PSD3: variants seen among roughly 807,000 people sequenced by gnomAD.
The protein encoded by PSD3 is PH and SEC7 domain-containing protein 3.
PSD3 carries 49 observed loss-of-function variants against 105.5 expected under a neutral mutation model. The observed-to-expected ratio is 0.46, with a 90% CI of 0.37 to 0.59. The LOEUF (loss-of-function observed/expected upper bound fraction) is 0.59, where lower values mean the gene tolerates loss of function less well. Ranked by LOEUF, PSD3 falls within the 20% of genes least tolerant of loss-of-function variation. PSD3 has a pLI of 0.00. For synonymous variants in PSD3, 557 were observed against 457.8 expected, an observed-to-expected ratio of 1.22 and a Z score of -2.77; for missense variants, 1,561 against 1,263.8, an observed-to-expected ratio of 1.24 and a Z score of -3.57.
At chr8:18,918,929 T>G (rs1056024062) in intron 2 of PSD3, among the ~76,000 whole-genome samples, 2 of 152,286 alleles carry the variant, frequency 1.3e-5, no homozygotes, top group Admixed American at 1.3e-4. Flanking sequence ...GCAATATTTT[T>G]AATAATCCTC....
intron 2 of PSD3, among the ~76,000 whole-genome samples, chr8:18,901,045 T>C (rs1238302993): frequency 1.3e-5 from 2 of 152,220 alleles, no homozygotes; most frequent in Non-Finnish European, 2.9e-5. Flanking sequence ...ATGTACAGTC[T>C]GGTGTATATA....
At chr8:18,740,934 C>T (rs1178812913) in intron 9 of PSD3, among the ~76,000 whole-genome samples, 2 of 152,166 alleles carry the variant, frequency 1.3e-5, no homozygotes, top group Non-Finnish European at 2.9e-5. Flanking sequence ...GTGGATTAAC[C>T]TGGGTGCCTC....
intron 4 of PSD3, among the ~76,000 whole-genome samples, chr8:18,841,990 T>G (rs1182525522): frequency 6.6e-6 from 1 of 152,100 alleles, no homozygotes. Flanking sequence ...TGCCCACGTG[T>G]CACAGGAGCA....
At chr8:18,675,819 A>C (rs951742282) in intron 9 of PSD3, among the ~76,000 whole-genome samples, 2 of 152,230 alleles carry the variant, frequency 1.3e-5, no homozygotes, top group Non-Finnish European at 2.9e-5. Context: ...ATTAACAAGC[A>C]GGAAGCCATC....
At position 19,019,884 on chromosome 8, in the gene PSD3, G is replaced by A. The variant is rs555384841; in HGVS notation, c.324+64322C>T. 5.9e-5 allele frequency among the ~76,000 whole-genome samples: 9 copies of A among 152,198 alleles called. No individual in the cohort carries two copies. In the East Asian group the frequency reaches 7.8e-4, roughly 13 times the overall value. ...AATGTGGTTCATGTCCTTAGGGGTCGGAAGAGAATGGAGAAAAGAGGAAAA... is the reference window on the plus strand; with the variant it reads ...AATGTGGTTCATGTCCTTAGGGGTCAGAAGAGAATGGAGAAAAGAGGAAAA... On this transcript the variant is annotated intron_variant, in intron 1 of 1. Transcript: ENST00000521475.
At chr8:18,769,882 T>C (rs184275802) in intron 8 of PSD3, among the ~76,000 whole-genome samples, 5 of 152,352 alleles carry the variant, frequency 3.3e-5, no homozygotes, top group South Asian at 4.1e-4. Flanking sequence ...CATTTATAAA[T>C]TGATGAATGT....
At chr8:18,871,477 A>C (rs1817344134) in intron 3 of PSD3, 149 bp downstream of exon 3, 2 of 1,007,818 alleles carry the variant, frequency 2.0e-6, no homozygotes, top group South Asian at 3.8e-5. Context: ...CTTAGCTTAG[A>C]AGGACCTAGC....
At chr8:18,697,796 T>C (rs150152226) in intron 9 of PSD3, among the ~76,000 whole-genome samples, 11 of 152,284 alleles carry the variant, frequency 7.2e-5, no homozygotes, top group African/African-American at 2.2e-4. Context: ...CCTTCTGGCA[T>C]CAACATTTCG....
chr8:18,742,558 T>C (rs1804658755), intron 9 of PSD3, among the ~76,000 whole-genome samples: 1 of 152,228 alleles, frequency 6.6e-6, no homozygotes, highest in South Asian at 2.1e-4. Context: ...GTGTATATAA[T>C]CATAGATAGC....
intron 1 of PSD3, among the ~76,000 whole-genome samples, chr8:19,051,495 C>A (rs566676928): frequency 6.6e-6 from 1 of 152,316 alleles, no homozygotes; most frequent in Non-Finnish European, 1.5e-5. Flanking sequence ...ACTAGGCACT[C>A]AATAAATATT....
At chr8:18,576,948 C>A (rs769614251) in intron 12 of PSD3, among the ~76,000 whole-genome samples, 1 of 151,112 alleles carries the variant, frequency 6.6e-6, no homozygotes, top group Non-Finnish European at 1.5e-5. Context: ...TTCCTCTTCC[C>A]TATTTTCTTT....
chr8:18,577,410 A>T (rs1168567182), intron 12 of PSD3, among the ~76,000 whole-genome samples: 1 of 151,840 alleles, frequency 6.6e-6, no homozygotes, highest in Non-Finnish European at 1.5e-5. Flanking sequence ...AAGTTTATTG[A>T]CTCGGTTCCT....
intron 7 of PSD3, among the ~76,000 whole-genome samples, chr8:18,799,917 C>T (rs11993401): frequency 0.37 from 55,594 of 151,986 alleles, 11,327 homozygotes; most frequent in Non-Finnish European, 0.46. Context: ...TTTCAATTTA[C>T]GCTAAATTAG....
intron 9 of PSD3, among the ~76,000 whole-genome samples, chr8:18,735,417 A>T (rs1293319176): frequency 6.6e-6 from 1 of 152,174 alleles, no homozygotes; most frequent in Non-Finnish European, 1.5e-5. Context: ...TGGCGAATGG[A>T]CGATAAACGT....
At chr8:18,551,743 T>C (rs1280476430) in intron 15 of PSD3, among the ~76,000 whole-genome samples, 1 of 152,208 alleles carries the variant, frequency 6.6e-6, no homozygotes, top group Non-Finnish European at 1.5e-5. Context: ...GTTTCAGTCA[T>C]GAGGGAAGTG....
In PSD3 at chr8:18,958,979, G is replaced by A. The variant is rs780953024; in HGVS notation, c.22-22837C>T. Among the ~76,000 whole-genome samples, 42 of 150,906 alleles carry A rather than the reference G, an allele frequency of 2.8e-4. 1 individual carries two copies. The highest frequency in any genetic ancestry group is 5.0e-4 in the Non-Finnish European group (34 of 67,836). The stretch of plus-strand genomic sequence containing the variant: ...TCTGTTGCCCAGGGTGGAGTGCAAC[G>A]GTGTGATCTTGGCTCACTGCAACCT... On this transcript the variant is annotated intron_variant, in intron 1 of 15. Transcript: ENST00000327040.
Position 18,534,096 on chromosome 8 carries a change from T to C in PSD3, c.*1647A>G, listed in dbSNP as rs1799736652. The C allele has an allele frequency of 2.0e-5, 3 of 152,202 alleles. No homozygotes were observed. The highest frequency in any genetic ancestry group is 2.0e-4 in the Admixed American group (3 of 15,270). The allele number at this position is 152,202 out of a possible 1,614,324, so 9.4% of individuals were successfully genotyped here. On this transcript the variant is annotated 3_prime_UTR_variant, in exon 16 of 16. Transcript: ENST00000327040. ...TAGTACATCATAATAACATACCACT[T>C]AGACACTACCATGGCTTTACAGCAG...
chr8:18,962,983 A>G lies in PSD3; in HGVS notation c.22-26841T>C, dbSNP rs1824014890. On this transcript the variant is annotated intron_variant, in intron 1 of 15. Coordinates refer to ENST00000327040, the MANE Select transcript of PSD3 (RefSeq NM_015310.4). ...CCGTTTTCACGCTGCTGATAAAGACATACCTGAGACTGGGGATAAAAAGAG... is the reference window on the plus strand; with the variant it reads ...CCGTTTTCACGCTGCTGATAAAGACGTACCTGAGACTGGGGATAAAAAGAG... Among the ~76,000 whole-genome samples the G allele has an allele frequency of 5.3e-5, 8 of 152,348 alleles. No homozygotes were observed. The South Asian group carries it at 1.7e-3, about 32-fold the overall frequency.
In PSD3 at chr8:18,678,029, A is replaced by G. The variant is rs117257829; in HGVS notation, c.2173-22344T>C. Among the ~76,000 whole-genome samples, 1,636 of 150,708 alleles carry G rather than the reference A, an allele frequency of 0.011. 91 individuals are homozygous for G. In the East Asian group the frequency reaches 0.15, roughly 14 times the overall value. ...TGTCTCAAAAAAAAAAAAACAAAGT[A>G]AACAAAAAAACCCACAAAACATTAG... On this transcript the variant is annotated intron_variant, in intron 9 of 15. Transcript: ENST00000327040.
Sources: gnomAD v4.1 joint callset for allele counts (sites outside exome capture counted in the v4.1 genomes callset) on GRCh38, gnomAD v4.1.1 for gene constraint, MANE v1.5 for transcripts, NCBI Gene and HGNC (gene_info 2026-07-23, HGNC 2026-07-21) for gene names.